TCEANC2: variants seen among roughly 807,000 people sequenced by gnomAD.
The protein encoded by TCEANC2 is transcription elongation factor A N-terminal and central domain-containing protein 2.
TCEANC2 carries 20 observed loss-of-function variants against 22.8 expected under a neutral mutation model. The observed-to-expected ratio is 0.88, with a 90% CI of 0.62 to 1.28. The LOEUF (loss-of-function observed/expected upper bound fraction) is 1.28, where lower values mean the gene tolerates loss of function less well. TCEANC2 is among the 50% of genes most tolerant of loss of function. TCEANC2 has a pLI of 0.00. For missense variants in TCEANC2, 251 were observed against 249.7 expected, an observed-to-expected ratio of 1.01 and a Z score of -0.03; for synonymous variants, 84 against 95.5, an observed-to-expected ratio of 0.88 and a Z score of 0.70.
At chr1:54,061,937 T>C (rs531082876) in intron 2 of TCEANC2, among the ~76,000 whole-genome samples, 2 of 152,330 alleles carry the variant, frequency 1.3e-5, no homozygotes, top group South Asian at 4.1e-4. Flanking sequence ...TAAAGGTTAA[T>C]TTGGTTAATC....
At chr1:54,068,967 C>T (rs1658008285) in intron 3 of TCEANC2, 70 bp downstream of exon 3, 7 of 1,376,420 alleles carry the variant, frequency 5.1e-6, no homozygotes, top group Non-Finnish European at 6.6e-6. Context: ...TCCTTCCTCT[C>T]TCCTTCAAAC....
intron 4 of TCEANC2, among the ~76,000 whole-genome samples, chr1:54,091,170 C>G (rs1192063339): frequency 6.6e-6 from 1 of 151,242 alleles, no homozygotes; most frequent in Non-Finnish European, 1.5e-5. Context: ...AAAAATCACT[C>G]TGCTTTCCTT....
chr1:54,057,100 A>G (rs1657765217), intron 2 of TCEANC2, among the ~76,000 whole-genome samples: 1 of 151,838 alleles, frequency 6.6e-6, no homozygotes, highest in Non-Finnish European at 1.5e-5. Context: ...TAAATGCATT[A>G]GCTTTTCTTC....
At chr1:54,053,830 G>A (rs1041569987) in intron 1 of TCEANC2, 72 bp downstream of exon 1, 5 of 153,280 alleles carry the variant, frequency 3.3e-5, no homozygotes, top group African/African-American at 1.2e-4. Flanking sequence ...AGGAGGATGG[G>A]GTTTCTCCTT....
chr1:54,098,667 G>C lies in TCEANC2; in HGVS notation c.*2194G>C, dbSNP rs1658602451. The C allele has an allele frequency of 6.6e-6, 1 of 152,236 alleles. No individual in the cohort carries two copies. The highest frequency in any genetic ancestry group is 1.5e-5 in the Non-Finnish European group (1 of 68,074). 9.4% of individuals were successfully genotyped at this position (152,236 alleles called of 1,614,324 possible). A position where few individuals can be genotyped will look rare whatever the true frequency, so the allele number is the denominator to read the frequency against. ...GCATCTGGAACAGAGCCTGGGACAA[G>C]CTAGGTCTCCATAACTATTTATTGG... On this transcript the variant is annotated 3_prime_UTR_variant, in exon 5 of 5. Transcript: ENST00000234827.
At chr1:54,056,311 TC>T (rs1657750828) in intron 2 of TCEANC2, among the ~76,000 whole-genome samples, 3 of 143,174 alleles carry the variant, frequency 2.1e-5, no homozygotes, top group African/African-American at 5.9e-5. Flanking sequence ...TCTTTTCTTT[TC>T]TTTTCTTTTT....
In TCEANC2 at chr1:54,099,484, CTA is replaced by C. The variant is rs2100392080; in HGVS notation, c.*3014_*3015del. On this transcript the variant is annotated 3_prime_UTR_variant, in exon 5 of 5. Transcript: ENST00000234827. ...TGAGGCCGGGTGCATTGGTTCATGC[CTA>C]TAATCCCAGCGCTTTGGGAGGTCGA... The C allele has an allele frequency of 6.6e-6, 1 of 152,340 alleles. No homozygotes were observed. Among genetic ancestry groups the C allele is most frequent in the South Asian group, 2.1e-4 (1 of 4,822 alleles). The allele number at this position is 152,340 out of a possible 1,614,324, so 9.4% of individuals were successfully genotyped here. A position where few individuals can be genotyped will look rare whatever the true frequency, so the allele number is the denominator to read the frequency against.
At chr1:54,109,364 G>A (rs1658808036), downstream of TCEANC2, among the ~76,000 whole-genome samples, 1 of 152,208 alleles carries the variant, frequency 6.6e-6, no homozygotes, top group Non-Finnish European at 1.5e-5. Flanking sequence ...GCAGCAGGAG[G>A]AGGAATAGCA....
chr1:54,065,111 A>G (rs560877672), intron 2 of TCEANC2, among the ~76,000 whole-genome samples: 22 of 152,196 alleles, frequency 1.4e-4, no homozygotes, highest in Non-Finnish European at 2.5e-4. Context: ...TAAGATAAGA[A>G]CAGAATAGTA....
At chr1:54,082,625 C>T (rs915962449) in intron 3 of TCEANC2, among the ~76,000 whole-genome samples, 1 of 152,050 alleles carries the variant, frequency 6.6e-6, no homozygotes. Context: ...GCAGGCCAGC[C>T]AGCATGACCC....
rs375514709 is a variant in TCEANC2 at position 54,058,603 on chromosome 1, C to T, written c.102+4079C>T. Reference sequence around the variant, plus strand: ...CGCTTATCGTCTCATACCTTGTAGCCCCTGCTTTATATGTACGCATTCCAG... The same window carrying T: ...CGCTTATCGTCTCATACCTTGTAGCTCCTGCTTTATATGTACGCATTCCAG... On this transcript the variant is annotated intron_variant, in intron 2 of 4. Coordinates refer to ENST00000234827, the MANE Select transcript of TCEANC2 (RefSeq NM_153035.3). Among the ~76,000 whole-genome samples the T allele has an allele frequency of 2.0e-5, 3 of 152,248 alleles. No homozygotes were observed. The South Asian group carries it at 6.2e-4, about 32-fold the overall frequency.
At chr1:54,095,968 T>C (rs1658539188) in intron 4 of TCEANC2, among the ~76,000 whole-genome samples, 1 of 152,142 alleles carries the variant, frequency 6.6e-6, no homozygotes, top group Non-Finnish European at 1.5e-5. Context: ...GTTATACTGA[T>C]TTATTATTCT....
At position 54,088,891 on chromosome 1, in the gene TCEANC2, G is replaced by A. The variant is rs1324125281; in HGVS notation, c.438+101G>A. The A allele has an allele frequency of 6.5e-6, 5 of 765,142 alleles. No homozygotes were observed. The East Asian group carries it at 1.7e-4, about 26-fold the overall frequency. 47.4% of individuals were successfully genotyped at this position (765,142 alleles called of 1,614,324 possible). On this transcript the variant is annotated intron_variant, in intron 4 of 4. Coordinates refer to ENST00000234827, the MANE Select transcript of TCEANC2 (RefSeq NM_153035.3). The stretch of plus-strand genomic sequence containing the variant: ...TCCTGGTCGGATGTGATTAGTAGGT[G>A]CTCTTGGTTAAACGCCTCATAATTT...
chr1:54,067,863 G>A (rs1245527129), intron 2 of TCEANC2, among the ~76,000 whole-genome samples: 4 of 152,172 alleles, frequency 2.6e-5, no homozygotes, highest in Non-Finnish European at 5.9e-5. Context: ...CAGAATCCCA[G>A]AATCCCCTTC....
In TCEANC2 at chr1:54,096,555, G is replaced by C; in HGVS notation, c.*82G>C. 6.7e-7 allele frequency: 1 copy of C among 1,503,008 alleles called. No homozygotes were observed. Among genetic ancestry groups the C allele is most frequent in the Admixed American group, 2.1e-5 (1 of 46,714 alleles). The allele number at this position is 1,503,008 out of a possible 1,614,324, so 93.1% of individuals were successfully genotyped here. On this transcript the variant is annotated 3_prime_UTR_variant, in exon 5 of 5. Coordinates refer to ENST00000234827, the MANE Select transcript of TCEANC2 (RefSeq NM_153035.3). This position sits in a 1 kb window ranked among gnomAD's most constrained non-coding sequence, Gnocchi z 4.9. ...CGTTCAAAGACGCTTTTGAGTTTGG[G>C]TGATGGCTGATGCTGGCTGTGCTAG... is the stretch of plus-strand genomic sequence containing the variant.
intron 3 of TCEANC2, 57 bp from the exon 4 acceptor site, chr1:54,088,540 C>T (rs978407813): frequency 1.1e-5 from 16 of 1,437,258 alleles, no homozygotes; most frequent in Middle Eastern, 2.4e-4. Flanking sequence ...TCTAGTCCTG[C>T]GCTTCTCAGA....
At chr1:54,063,235 A>G (rs909560535) in intron 2 of TCEANC2, among the ~76,000 whole-genome samples, 2 of 152,198 alleles carry the variant, frequency 1.3e-5, no homozygotes, top group Admixed American at 6.5e-5. Context: ...GGACTACCAT[A>G]TGTTTGTGAG....
intron 3 of TCEANC2, among the ~76,000 whole-genome samples, chr1:54,075,058 G>C (rs17481615): frequency 0.039 from 5,905 of 152,292 alleles, 135 homozygotes; most frequent in South Asian, 0.074. Flanking sequence ...ATGAGGATTA[G>C]CAAGAGCCTT....
At chr1:54,068,657 A>G (rs2100362443) in intron 2 of TCEANC2, 99 bp from the exon 3 acceptor site, 2 of 1,270,974 alleles carry the variant, frequency 1.6e-6, no homozygotes, top group Non-Finnish European at 2.1e-6. Flanking sequence ...GTCATAATCA[A>G]TAATTCATAT....
Sources: allele counts gnomAD v4.1 joint callset (sites outside exome capture counted in the v4.1 genomes callset), GRCh38; gene constraint gnomAD v4.1.1; non-coding constraint Gnocchi (gnomAD v3.1); transcripts MANE v1.5; gene names NCBI Gene and HGNC (gene_info 2026-07-23, HGNC 2026-07-21).